The following ACOXL variants were observed in gnomAD, a reference collection of about 807,000 sequenced individuals.
The protein encoded by ACOXL is acyl-CoA oxidase like, also known as acyl-coenzyme A oxidase-like protein.
A neutral mutation model predicts 71.9 loss-of-function variants in ACOXL; 70 were observed. The observed-to-expected ratio is 0.97, with a 90% CI of 0.80 to 1.19. ACOXL has a LOEUF of 1.19. Among genes scored for constraint, ACOXL ranks in the 50% most tolerant of loss-of-function variants. The probability of loss-of-function intolerance (pLI) is 0.00; values close to 1 mark genes in which losing one functional copy is unlikely to be tolerated. For missense variants in ACOXL, 703 were observed against 736.3 expected (o/e 0.95, Z 0.52); for synonymous variants, 253 against 281.6 (o/e 0.90, Z 1.02).
intron 12 of ACOXL, among the ~76,000 whole-genome samples, chr2:110,957,785 G>T (rs1380897786): frequency 6.6e-6 from 1 of 152,144 alleles, no homozygotes; most frequent in Non-Finnish European, 1.5e-5. Flanking sequence ...GACCAGGGGT[G>T]CTGGCTTATG....
intron 1 of ACOXL, among the ~76,000 whole-genome samples, chr2:110,751,257 T>C (rs1029570800): frequency 2.2e-5 from 3 of 137,508 alleles, no homozygotes; most frequent in Admixed American, 8.4e-5. Flanking sequence ...GCCGAGATCG[T>C]GCCACTGCAC....
At chr2:110,886,933 C>G in intron 10 of ACOXL, 4 of 1,495,656 alleles carry the variant, frequency 2.7e-6, no homozygotes, top group Non-Finnish European at 3.6e-6. Flanking sequence ...TGGGTTTTCC[C>G]GTGGCAGATC....
At chr2:110,820,046 A>G (rs1688414421) in intron 9 of ACOXL, among the ~76,000 whole-genome samples, 2 of 152,132 alleles carry the variant, frequency 1.3e-5, no homozygotes, top group Admixed American at 1.3e-4. Context: ...CGTGCCTGAC[A>G]CTCAGGGGCT....
chr2:110,878,788 G>A (rs751444675), intron 10 of ACOXL, among the ~76,000 whole-genome samples: 4 of 150,130 alleles, frequency 2.7e-5, no homozygotes, highest in African/African-American at 4.9e-5. Context: ...AGGCTGGCAC[G>A]GTGGCTCACA....
At chr2:110,950,386 C>G (rs1375818441) in intron 12 of ACOXL, among the ~76,000 whole-genome samples, 1 of 152,134 alleles carries the variant, frequency 6.6e-6, no homozygotes, top group African/African-American at 2.4e-5. Context: ...TAAAATGACC[C>G]AGGGATAATC....
At chr2:110,761,756 C>T (rs763380964) in intron 1 of ACOXL, among the ~76,000 whole-genome samples, 28 of 152,230 alleles carry the variant, frequency 1.8e-4, no homozygotes, top group Non-Finnish European at 2.2e-4. Flanking sequence ...AATCAGCTAA[C>T]TTCTCTGCTG....
At chr2:110,989,551 A>C (rs1352726460) in intron 13 of ACOXL, among the ~76,000 whole-genome samples, 1 of 152,240 alleles carries the variant, frequency 6.6e-6, no homozygotes, top group Non-Finnish European at 1.5e-5. Context: ...CTTACATGAC[A>C]TACCTAGAGT....
At chr2:111,038,844 A>G (rs2149783922) in intron 15 of ACOXL, among the ~76,000 whole-genome samples, 1 of 152,370 alleles carries the variant, frequency 6.6e-6, no homozygotes, top group East Asian at 1.9e-4. Flanking sequence ...CATTTAGCAA[A>G]TAACCTTTGA....
At chr2:110,886,440 G>A (rs1697307580) in intron 10 of ACOXL, among the ~76,000 whole-genome samples, 1 of 147,804 alleles carries the variant, frequency 6.8e-6, no homozygotes, top group South Asian at 2.2e-4. Flanking sequence ...TGAGTGGCAT[G>A]ATGTTGGCTC....
intron 1 of ACOXL, among the ~76,000 whole-genome samples, chr2:110,750,940 C>T (rs1678858610): frequency 6.6e-6 from 1 of 152,068 alleles, no homozygotes; most frequent in African/African-American, 2.4e-5. Flanking sequence ...CTGCCTTGGC[C>T]TCCCAAAGTT....
At chr2:110,881,554 G>A (rs780666512) in intron 10 of ACOXL, among the ~76,000 whole-genome samples, 4 of 151,922 alleles carry the variant, frequency 2.6e-5, no homozygotes, top group Non-Finnish European at 4.4e-5. Flanking sequence ...TGGCACCATC[G>A]CCACAATCAA....
chr2:110,922,157 T>C (rs2060101961), intron 11 of ACOXL, among the ~76,000 whole-genome samples: 1 of 152,206 alleles, frequency 6.6e-6, no homozygotes, highest in African/African-American at 2.4e-5. Flanking sequence ...AATTATGAAT[T>C]TGTTTATTTC....
chr2:110,858,584 C>G (rs1693557538), intron 10 of ACOXL, among the ~76,000 whole-genome samples: 1 of 152,240 alleles, frequency 6.6e-6, no homozygotes, highest in South Asian at 2.1e-4. Context: ...CTAGCCACAT[C>G]TGTCCTCAGC....
At chr2:110,949,488 C>G (rs1233335091) in intron 12 of ACOXL, among the ~76,000 whole-genome samples, 1 of 152,166 alleles carries the variant, frequency 6.6e-6, no homozygotes, top group Non-Finnish European at 1.5e-5. Context: ...CCTAGGCTTC[C>G]CCTTTCCTCT....
chr2:110,874,255 C>T (rs761451389), intron 10 of ACOXL, among the ~76,000 whole-genome samples: 20 of 151,952 alleles, frequency 1.3e-4, no homozygotes, highest in African/African-American at 1.9e-4. Flanking sequence ...AGAGTGGGCA[C>T]GACATTTGCG....
chr2:110,856,571 G>A (rs1302639618), intron 10 of ACOXL, among the ~76,000 whole-genome samples: 1 of 152,192 alleles, frequency 6.6e-6, no homozygotes, highest in African/African-American at 2.4e-5. Flanking sequence ...ACAGAAAGAA[G>A]GAGTCTTCTA....
intron 10 of ACOXL, among the ~76,000 whole-genome samples, chr2:110,853,612 A>G (rs151248975): frequency 6.6e-6 from 1 of 152,352 alleles, no homozygotes; most frequent in East Asian, 1.9e-4. Context: ...GTGGGAGAGA[A>G]GAGTAGTCCC....
At chr2:111,005,274 G>T (rs980097089) in intron 14 of ACOXL, among the ~76,000 whole-genome samples, 1 of 152,134 alleles carries the variant, frequency 6.6e-6, no homozygotes, top group Non-Finnish European at 1.5e-5. Context: ...AGTCCCAAGC[G>T]AAAGGCAAGT....
chr2:110,914,645 A>G (rs72944224), intron 11 of ACOXL, among the ~76,000 whole-genome samples: 6,935 of 152,156 alleles, frequency 0.046, 282 homozygotes, highest in African/African-American at 0.098. Context: ...TCCAATATTT[A>G]TTTCTTTTAA....
Sources: allele counts gnomAD v4.1 joint callset (sites outside exome capture counted in the v4.1 genomes callset), GRCh38; gene constraint gnomAD v4.1.1; transcripts MANE v1.5; gene names NCBI Gene and HGNC (gene_info 2026-07-23, HGNC 2026-07-21).